Variants in TMEM132B observed in about 807,000 individuals in gnomAD.
TMEM132B encodes the protein transmembrane protein 132B.
A neutral mutation model predicts 90.8 loss-of-function variants in TMEM132B; 18 were observed. The ratio of observed to expected loss-of-function variants is 0.20; its 90% CI spans 0.14 to 0.29. The LOEUF (loss-of-function observed/expected upper bound fraction) is 0.29. Ranked by LOEUF, TMEM132B falls within the 10% of genes least tolerant of loss-of-function variation. TMEM132B has a pLI of 1.00. For synonymous variants in TMEM132B, 504 were observed against 523.3 expected (o/e 0.96, Z 0.50); for missense variants, 1,096 against 1,326.8 (o/e 0.83, Z 2.70).
At chr12:125,243,309 ATT>A (rs767896932) in intron 1 of TMEM132B, among the ~76,000 whole-genome samples, 6 of 135,478 alleles carry the variant, frequency 4.4e-5, no homozygotes, top group African/African-American at 2.7e-5. Context: ...TGGCTGGCTA[ATT>A]TTTTTTTTTT....
chr12:125,367,116 C>A (rs887397704), intron 2 of TMEM132B, among the ~76,000 whole-genome samples: 1 of 152,102 alleles, frequency 6.6e-6, no homozygotes, highest in African/African-American at 2.4e-5. Context: ...TAATTAGCAA[C>A]TTTAAAATGC....
intron 5 of TMEM132B, among the ~76,000 whole-genome samples, chr12:125,617,639 C>G (rs796421773): frequency 2.0e-5 from 3 of 152,324 alleles, no homozygotes; most frequent in African/African-American, 7.2e-5. Flanking sequence ...GCCACCATGC[C>G]TGGCCTTCAC....
chr12:125,344,619 C>A (rs2136225507), intron 1 of TMEM132B, among the ~76,000 whole-genome samples: 1 of 152,272 alleles, frequency 6.6e-6, no homozygotes, highest in South Asian at 2.1e-4. Flanking sequence ...TCCTACCCGC[C>A]AGTCTTCTAC....
chr12:125,516,322 T>C (rs192230404), intron 3 of TMEM132B, among the ~76,000 whole-genome samples: 46 of 152,360 alleles, frequency 3.0e-4, no homozygotes, highest in African/African-American at 1.0e-3. Context: ...TTCTTGATAT[T>C]TGAAAGGCTT....
intron 2 of TMEM132B, among the ~76,000 whole-genome samples, chr12:125,377,945 G>T (rs763037160): frequency 6.6e-6 from 1 of 152,186 alleles, no homozygotes; most frequent in Non-Finnish European, 1.5e-5. Context: ...ACGGTCAGAT[G>T]AGTTCATGTG....
At chr12:125,497,303 G>A (rs1042583335) in intron 3 of TMEM132B, among the ~76,000 whole-genome samples, 1 of 152,226 alleles carries the variant, frequency 6.6e-6, no homozygotes, top group African/African-American at 2.4e-5. Flanking sequence ...ACTGAAGGAT[G>A]CCATTCAATG....
chr12:125,289,269 G>T (rs1269240674), intron 1 of TMEM132B, among the ~76,000 whole-genome samples: 1 of 152,190 alleles, frequency 6.6e-6, no homozygotes, highest in Non-Finnish European at 1.5e-5. Context: ...GGCCTTTCAA[G>T]AAGGTTCTTC....
intron 1 of TMEM132B, among the ~76,000 whole-genome samples, chr12:125,296,889 C>T (rs548878515): frequency 1.3e-5 from 2 of 152,330 alleles, no homozygotes; most frequent in South Asian, 2.1e-4. Context: ...AACTGACAGC[C>T]GGGGCCTGGT....
At chr12:125,468,105 A>T (rs1464847257) in intron 3 of TMEM132B, among the ~76,000 whole-genome samples, 1 of 151,780 alleles carries the variant, frequency 6.6e-6, no homozygotes, top group Non-Finnish European at 1.5e-5. Context: ...GTATTCTTTC[A>T]GTTCTCTTGC....
At chr12:125,621,626 C>T (rs1009421507) in intron 5 of TMEM132B, among the ~76,000 whole-genome samples, 5 of 152,096 alleles carry the variant, frequency 3.3e-5, no homozygotes, top group African/African-American at 9.7e-5. Flanking sequence ...CATGCTGGAG[C>T]CCAGATTCCT....
At chr12:125,455,308 A>G (rs1881264450) in intron 3 of TMEM132B, among the ~76,000 whole-genome samples, 1 of 152,228 alleles carries the variant, frequency 6.6e-6, no homozygotes, top group East Asian at 1.9e-4. Flanking sequence ...CGAGGGGCTT[A>G]GTTCGAGGCA....
At chr12:125,221,074 C>T (rs1292317065) in intron 1 of TMEM132B, among the ~76,000 whole-genome samples, 3 of 152,242 alleles carry the variant, frequency 2.0e-5, no homozygotes, top group South Asian at 2.1e-4. Context: ...CTGAGCACCC[C>T]GCCTACAGTA....
chr12:125,230,304 G>A lies in TMEM132B; in HGVS notation c.67+43438G>A, dbSNP rs149477057. On this transcript the variant is annotated intron_variant, in intron 1 of 8. Coordinates refer to ENST00000682704, the MANE Select transcript of TMEM132B (RefSeq NM_001366854.1). ...TCAGGTTGGCGCTGCGGGGAGGGGT[G>A]TGTTGGCTTCTCCTCTGTGTGAAGC... 5.0e-3 allele frequency among the ~76,000 whole-genome samples: 754 copies of A among 152,274 alleles called. 4 individuals are homozygous for A. Among genetic ancestry groups the A allele is most frequent in the African/African-American group, 0.017 (715 of 41,536 alleles).
At chr12:125,371,550 C>T (rs139167422) in intron 2 of TMEM132B, among the ~76,000 whole-genome samples, 143 of 152,258 alleles carry the variant, frequency 9.4e-4, no homozygotes, top group African/African-American at 3.2e-3. Flanking sequence ...TTGTGGGTTT[C>T]CAGGACACAA....
intron 2 of TMEM132B, among the ~76,000 whole-genome samples, chr12:125,400,717 A>G (rs1879294319): frequency 6.6e-6 from 1 of 152,232 alleles, no homozygotes; most frequent in African/African-American, 2.4e-5. Flanking sequence ...AATTTATCAC[A>G]GGGAAAGTGG....
chr12:125,250,542 G>A (rs1281821042), intron 1 of TMEM132B, among the ~76,000 whole-genome samples: 2 of 152,166 alleles, frequency 1.3e-5, no homozygotes, highest in African/African-American at 2.4e-5. Context: ...CTCCAGCATG[G>A]AAACTTCGCT....
intron 3 of TMEM132B, among the ~76,000 whole-genome samples, chr12:125,513,486 A>T (rs184471580): frequency 6.6e-6 from 1 of 152,296 alleles, no homozygotes; most frequent in African/African-American, 2.4e-5. Context: ...GGAGATGAGA[A>T]CAGAATTTTA....
chr12:125,364,329 A>G (rs1878057537), intron 2 of TMEM132B, among the ~76,000 whole-genome samples: 1 of 152,154 alleles, frequency 6.6e-6, no homozygotes, highest in Non-Finnish European at 1.5e-5. Flanking sequence ...TTTAAACATG[A>G]CAAAGTTAAA....
intron 1 of TMEM132B, among the ~76,000 whole-genome samples, chr12:125,336,762 G>A (rs985097247): frequency 1.3e-5 from 2 of 152,208 alleles, no homozygotes; most frequent in African/African-American, 4.8e-5. Flanking sequence ...AGGATGAAGT[G>A]ACTTGCCTTG....
Sources: gnomAD v4.1 joint callset for allele counts (sites outside exome capture counted in the v4.1 genomes callset) on GRCh38, gnomAD v4.1.1 for gene constraint, MANE v1.5 for transcripts, NCBI Gene and HGNC (gene_info 2026-07-23, HGNC 2026-07-21) for gene names.